HUWE1: variants seen among roughly 807,000 people sequenced by gnomAD.
The protein encoded by HUWE1 is HECT, UBA and WWE domain containing E3 ubiquitin protein ligase 1.
Under a neutral mutation model 299.4 loss-of-function variants are expected in HUWE1, and 18 were observed. The observed-to-expected ratio is 0.06, with a 90% CI of 0.04 to 0.09. The LOEUF (loss-of-function observed/expected upper bound fraction) is 0.09, where lower values mean the gene tolerates loss of function less well. HUWE1 is among the 10% of genes least tolerant of loss of function. The pLI, the probability that HUWE1 is intolerant of heterozygous loss-of-function variation, is 1.00. For missense variants in HUWE1, 1,832 were observed against 3,462.3 expected (o/e 0.53, Z 11.82); for synonymous variants, 1,317 against 1,286.1 (o/e 1.02, Z -0.51).
intron 4 of HUWE1, among the ~76,000 whole-genome samples, chrX:53,651,135 C>T (rs1262462879): frequency 9.1e-6 from 1 of 109,603 alleles, no homozygotes; most frequent in Non-Finnish European, 1.9e-5. Flanking sequence ...CATGTGTCTT[C>T]CCCCTCCCCC....
At chrX:53,631,833 A>G in intron 9 of HUWE1, 1 of 424,871 alleles carries the variant, frequency 2.4e-6, no homozygotes, top group Non-Finnish European at 4.1e-6. Context: ...CAGTAGTATC[A>G]AACTATAATG....
rs782737329 is a variant in HUWE1, at chrX:53,538,817, C to G, written c.11878+18G>C. The G allele has an allele frequency of 6.7e-6, 8 of 1,195,453 alleles. No homozygotes were observed. In the East Asian group the frequency reaches 2.4e-4, roughly 36 times the overall value. Reference sequence around the variant, plus strand: ...AAATGAAGCCTTCTACACCTGGCAGCCTAAAAGTTCCCTGTACCTGCAAAG... The same window carrying G: ...AAATGAAGCCTTCTACACCTGGCAGGCTAAAAGTTCCCTGTACCTGCAAAG... On this transcript the variant is annotated intron_variant, in intron 76 of 83. Coordinates refer to ENST00000262854, the MANE Select transcript of HUWE1 (RefSeq NM_031407.7).
At chrX:53,648,176 G>C in intron 5 of HUWE1, 36 bp downstream of exon 5, 1 of 883,189 alleles carries the variant, frequency 1.1e-6, no homozygotes, top group Non-Finnish European at 1.7e-6. Flanking sequence ...TATTAGTATG[G>C]TGAGTCCTGT....
rs960157635 is a variant in HUWE1 at position 53,573,779 on chromosome X, T to G, written c.6283A>C (p.Thr2095Pro). ...TTGATCAGTTCAGACTGGCCCACAG[T>G]GTAGCTGTAGTTGGCAATCAGGGTA... is the stretch of plus-strand genomic sequence containing the variant. Reference protein sequence around the residue: ...IATLIANYSYTVGQSELIKED... With the variant: ...IATLIANYSYPVGQSELIKED... Residue 2095 changes from threonine to proline, a missense_variant, in exon 47 of 84, where the codon ACT becomes CCT. By Grantham distance (38) the Thr-to-Pro change is conservative. Coordinates refer to ENST00000262854, the MANE Select transcript of HUWE1 (RefSeq NM_031407.7). The G allele has an allele frequency of 8.8e-5, 106 of 1,208,731 alleles. No individual in the cohort carries two copies. Among genetic ancestry groups the G allele is most frequent in the Non-Finnish European group, 1.1e-4 (101 of 893,712 alleles).
intron 83 of HUWE1, 119 bp from the exon 84 acceptor site, chrX:53,533,530 T>C (rs2060858435): frequency 1.8e-6 from 1 of 541,666 alleles, no homozygotes; most frequent in Non-Finnish European, 3.3e-6. Context: ...TGCTTCTTGA[T>C]GACTCCCAAT....
At chrX:53,538,236 T>C in intron 77 of HUWE1, 101 bp downstream of exon 77, 1 of 582,765 alleles carries the variant, frequency 1.7e-6, no homozygotes. Context: ...CCAAGTGCTG[T>C]CACCAAAGGA....
intron 39 of HUWE1, 73 bp downstream of exon 39, chrX:53,586,417 C>T: frequency 9.2e-6 from 6 of 653,339 alleles, no homozygotes; most frequent in Non-Finnish European, 1.5e-5. Flanking sequence ...ACTACTCTCT[C>T]ATATTCTCTT....
intron 46 of HUWE1, among the ~76,000 whole-genome samples, chrX:53,574,386 T>C: frequency 8.9e-6 from 1 of 112,613 alleles, no homozygotes; most frequent in Non-Finnish European, 1.9e-5. Flanking sequence ...CATTATATCT[T>C]ATCCAAGTAT....
At chrX:53,560,070 G>T in intron 56 of HUWE1, 118 bp downstream of exon 56, 1 of 636,456 alleles carries the variant, frequency 1.6e-6, no homozygotes, top group Non-Finnish European at 2.5e-6. Flanking sequence ...TACCTTATTT[G>T]TGTGTATGAC....
At position 53,634,442 on chromosome X, in the gene HUWE1, G is replaced by C. The variant is rs1016309616; in HGVS notation, c.505-144C>G. The stretch of plus-strand genomic sequence containing the variant: ...ACATATATATATTTAAGAGTGTGTG[G>C]CTGCTTGGAACATAATGTTGAGAAG... On this transcript the variant is annotated intron_variant, in intron 7 of 83. Transcript: ENST00000262854. 3 of 492,113 alleles carry C rather than the reference G, an allele frequency of 6.1e-6. No homozygotes were observed. In the African/African-American group the frequency reaches 7.1e-5, roughly 12 times the overall value. 40.6% of individuals were successfully genotyped at this position (492,113 alleles called of 1,213,427 possible).
chrX:53,681,503 G>T (rs1046804551), intron 2 of HUWE1, among the ~76,000 whole-genome samples: 1 of 109,961 alleles, frequency 9.1e-6, no homozygotes, highest in Non-Finnish European at 1.9e-5. Flanking sequence ...AAGTACGTTA[G>T]AAAATATAAA....
At chrX:53,586,735 T>G in intron 38 of HUWE1, 47 bp downstream of exon 38, 1 of 1,205,621 alleles carries the variant, frequency 8.3e-7, no homozygotes, top group South Asian at 1.8e-5. Context: ...CAGGCCCATG[T>G]CCCAGGGAAA....
intron 47 of HUWE1, among the ~76,000 whole-genome samples, chrX:53,570,252 G>A (rs1463929291): frequency 1.8e-5 from 2 of 112,437 alleles, no homozygotes; most frequent in Admixed American, 1.9e-4. Context: ...CTTCCAAGTA[G>A]CTGAGACTAC....
At chrX:53,581,932 G>A (rs2063638580) in intron 42 of HUWE1, among the ~76,000 whole-genome samples, 1 of 111,379 alleles carries the variant, frequency 9.0e-6, no homozygotes, top group Admixed American at 9.5e-5. Context: ...TAAATTCTTA[G>A]CCATAGAATT....
intron 58 of HUWE1, 35 bp from the exon 59 acceptor site, chrX:53,558,844 G>C (rs781903110): frequency 1.4e-5 from 17 of 1,204,518 alleles, no homozygotes; most frequent in Non-Finnish European, 1.9e-5. Context: ...AGGCTGCTCT[G>C]GTGGGGTCAG....
rs1262340015 is a variant in HUWE1, at chrX:53,561,892, G to A, written c.7371C>T (p.Asp2457=). The A allele has an allele frequency of 3.3e-6, 4 of 1,210,959 alleles. No individual in the cohort carries two copies. Among genetic ancestry groups the A allele is most frequent in the Non-Finnish European group, 4.5e-6 (4 of 895,004 alleles). Residue 2457 remains aspartate (D), a synonymous_variant, in exon 55 of 84, where the codon GAC becomes GAT. Coordinates refer to ENST00000262854, the MANE Select transcript of HUWE1 (RefSeq NM_031407.7). ...EDDEGEEGDE[D]DDDDGSEMEL... ...CCATCTCAGAGCCATCGTCGTCATC[G>A]TCTTCATCTCCCTCTTCACCTTCAT...
chrX:53,575,094 G>GT, intron 46 of HUWE1, 61 bp downstream of exon 46: 1 of 903,144 alleles, frequency 1.1e-6, no homozygotes, highest in Non-Finnish European at 1.6e-6. Context: ...GACACCTACA[G>GT]TTTTTTCAAG....
In HUWE1 at chrX:53,537,545, T is replaced by C; in HGVS notation, c.12137+11A>G. 8.3e-7 allele frequency: 1 copy of C among 1,209,918 alleles called. No individual in the cohort carries two copies. The highest frequency in any genetic ancestry group is 1.1e-6 in the Non-Finnish European group (1 of 894,299). On this transcript the variant is annotated intron_variant, in intron 78 of 83. Coordinates refer to ENST00000262854, the MANE Select transcript of HUWE1 (RefSeq NM_031407.7). ...CCACCCGCCATCTTTTCTCCGTTCC[T>C]GGGCCCTTACAATCGATTCTTCATT...
chrX:53,614,863 CAT>C, intron 22 of HUWE1, 118 bp from the exon 23 acceptor site: 1 of 511,556 alleles, frequency 2.0e-6, no homozygotes, highest in Non-Finnish European at 3.5e-6. Flanking sequence ...ACTTTGTATA[CAT>C]GTTATATACA....
Sources: gnomAD v4.1 joint callset for allele counts (sites outside exome capture counted in the v4.1 genomes callset) on GRCh38, gnomAD v4.1.1 for gene constraint, MANE v1.5 for transcripts, NCBI Gene and HGNC (gene_info 2026-07-23, HGNC 2026-07-21) for gene names.